Variants in UEVLD observed in about 807,000 individuals in gnomAD.
UEVLD encodes UEV and lactate/malate dehyrogenase domains.
Under a neutral mutation model 58.6 loss-of-function variants are expected in UEVLD, and 47 were observed. The observed-to-expected ratio is 0.80, with a 90% confidence interval of 0.63 to 1.02. UEVLD has a LOEUF of 1.02. Ranked by LOEUF, UEVLD falls within the 50% of genes least tolerant of loss-of-function variation. UEVLD has a pLI of 0.00. For missense variants in UEVLD, 510 were observed against 550.6 expected (o/e 0.93, Z 0.74); for synonymous variants, 197 against 195.3 (o/e 1.01, Z -0.07).
chr11:18,553,563 A>G (rs185399339), intron 7 of UEVLD, among the ~76,000 whole-genome samples: 2 of 152,324 alleles, frequency 1.3e-5, no homozygotes, highest in Admixed American at 1.3e-4. Context: ...AAACTGGTAC[A>G]TGAATGTTCA....
In UEVLD at chr11:18,570,236, G is replaced by C. The variant is rs532766452; in HGVS notation, c.335C>G (p.Pro112Arg). ...HVDAQGRIYL[P>R]YLQNWSHPKS... is the part of the protein sequence containing the mutation. The stretch of plus-strand genomic sequence containing the variant: ...TACATGGCTCCAGTTTTGGAGATAG[G>C]GCAAATATATTCTGCCTTGAGCATC... Residue 112 changes from proline (P) to arginine (R), a missense_variant, in exon 4 of 12, where the codon CCC becomes CGC. Physicochemically the swap from Pro to Arg is moderately radical, Grantham distance 103. Transcript: ENST00000396197. 1.7e-5 allele frequency: 28 copies of C among 1,604,264 alleles called. No homozygotes were observed. In the South Asian group the frequency reaches 2.8e-4, roughly 16 times the overall value.
intron 3 of UEVLD, among the ~76,000 whole-genome samples, chr11:18,572,457 A>G (rs569905045): frequency 1.1e-4 from 16 of 152,304 alleles, no homozygotes; most frequent in Non-Finnish European, 1.0e-4. Flanking sequence ...TTTTTTTAGC[A>G]TAAGCATGTA....
intron 11 of UEVLD, among the ~76,000 whole-genome samples, chr11:18,532,822 G>T (rs1317537014): frequency 6.6e-6 from 1 of 152,124 alleles, no homozygotes; most frequent in Non-Finnish European, 1.5e-5. Context: ...ATTTCCTGGG[G>T]AGGGGCATGG....
intron 1 of UEVLD, chr11:18,587,814 C>A (rs1440053886): frequency 2.0e-5 from 3 of 151,328 alleles, no homozygotes; most frequent in Admixed American, 6.6e-5. Context: ...AAAAAAAACA[C>A]AAAAAACAAA....
In UEVLD at chr11:18,568,171, T is replaced by C. The variant is rs538661530; in HGVS notation, c.358-1689A>G. 2.6e-5 allele frequency among the ~76,000 whole-genome samples: 4 copies of C among 152,296 alleles called. No homozygotes were observed. In the South Asian group the frequency reaches 8.3e-4, roughly 32 times the overall value. ...AAAAAAAGAGACTAGTTTTAGCTTATAATAAAGAGGCTCAGAACAGTAAAA... is the reference window on the plus strand; with the variant it reads ...AAAAAAAGAGACTAGTTTTAGCTTACAATAAAGAGGCTCAGAACAGTAAAA... On this transcript the variant is annotated intron_variant, in intron 4 of 11. Transcript: ENST00000396197.
chr11:18,557,681 A>G (rs1157064369), intron 7 of UEVLD, among the ~76,000 whole-genome samples: 2 of 151,630 alleles, frequency 1.3e-5, no homozygotes, highest in Non-Finnish European at 2.9e-5. Context: ...CTTCTGCCTC[A>G]GCCTCCCACG....
At chr11:18,542,875 A>ATTTTC (rs1215001322) in intron 9 of UEVLD, among the ~76,000 whole-genome samples, 1 of 110,104 alleles carries the variant, frequency 9.1e-6, no homozygotes, top group African/African-American at 3.3e-5. Flanking sequence ...CAGAGGAGTT[A>ATTTTC]TTTTCTTTTC....
chr11:18,578,504 A>G (rs1853054758), intron 2 of UEVLD, among the ~76,000 whole-genome samples: 1 of 152,212 alleles, frequency 6.6e-6, no homozygotes, highest in Non-Finnish European at 1.5e-5. Flanking sequence ...GTGTTTTTTA[A>G]AGCCACTAAG....
At position 18,572,051 on chromosome 11, in the gene UEVLD, A is replaced by G. The variant is rs568757127; in HGVS notation, c.194-1674T>C. Among the ~76,000 whole-genome samples the G allele has an allele frequency of 1.7e-4, 26 of 152,172 alleles. No individual in the cohort carries two copies. The South Asian group carries it at 4.0e-3, about 23-fold the overall frequency. On this transcript the variant is annotated intron_variant, in intron 3 of 11. Coordinates refer to ENST00000396197, the MANE Select transcript of UEVLD (RefSeq NM_001040697.4). ...GGAGATCAAGACCATCCTGGCTAAC[A>G]CGGTGAAACCCCATCTCTACTAAAA...
chr11:18,579,882 T>TA (rs1449151446), intron 1 of UEVLD, among the ~76,000 whole-genome samples: 1 of 152,116 alleles, frequency 6.6e-6, no homozygotes, highest in Non-Finnish European at 1.5e-5. Context: ...GTACAATACT[T>TA]AGACTCTGAA....
At chr11:18,582,256 C>CA (rs1853276874) in intron 1 of UEVLD, among the ~76,000 whole-genome samples, 1 of 152,130 alleles carries the variant, frequency 6.6e-6, no homozygotes, top group Non-Finnish European at 1.5e-5. Context: ...TCAAAGGCAG[C>CA]AAAAGCACTC....
chr11:18,560,138 C>CACACACACACACACACAGAGAG (rs368897951), intron 6 of UEVLD, among the ~76,000 whole-genome samples: 2 of 74,840 alleles, frequency 2.7e-5, no homozygotes, highest in African/African-American at 5.5e-5. Flanking sequence ...CACACACACA[C>CACACACACACACACACAGAGAG]AGAGAGAGAA....
chr11:18,548,320 T>C (rs750808471), intron 7 of UEVLD, among the ~76,000 whole-genome samples: 1 of 152,190 alleles, frequency 6.6e-6, no homozygotes, highest in Non-Finnish European at 1.5e-5. Context: ...CATAATAAAG[T>C]AATTAGAATG....
intron 1 of UEVLD, among the ~76,000 whole-genome samples, chr11:18,586,014 T>C (rs1324986567): frequency 6.6e-6 from 1 of 152,200 alleles, no homozygotes; most frequent in Non-Finnish European, 1.5e-5. Context: ...TAGAATCAGT[T>C]TGAAGTTTCC....
In UEVLD at chr11:18,530,213, T is replaced by TA. The variant is rs566977838; in HGVS notation, c.*2106dup. 87 of 152,314 alleles carry TA rather than the reference T, an allele frequency of 5.7e-4. No individual in the cohort carries two copies. The highest frequency in any genetic ancestry group is 7.9e-4 in the Non-Finnish European group (54 of 68,022). 9.4% of individuals were successfully genotyped at this position (152,314 alleles called of 1,614,324 possible). A position where few individuals can be genotyped will look rare whatever the true frequency, so the allele number is the denominator to read the frequency against. On this transcript the variant is annotated 3_prime_UTR_variant, in exon 12 of 12. Transcript: ENST00000396197. ...CTTTCAGTTTTACTTTCCTATTTCATAAAAAAGGACAGTAAGAATACATTG... is the reference window on the plus strand; with the variant it reads ...CTTTCAGTTTTACTTTCCTATTTCATAAAAAAAGGACAGTAAGAATACATTG...
At chr11:18,573,344 T>C (rs1169769559) in intron 3 of UEVLD, among the ~76,000 whole-genome samples, 2 of 152,238 alleles carry the variant, frequency 1.3e-5, no homozygotes, top group African/African-American at 2.4e-5. Context: ...TCTCTCAGAA[T>C]GAATCACCTT....
Position 18,536,541 on chromosome 11 carries a change from T to C in UEVLD, c.1061-72A>G, listed in dbSNP as rs574065802. On this transcript the variant is annotated intron_variant, in intron 9 of 11. Coordinates refer to ENST00000396197, the MANE Select transcript of UEVLD (RefSeq NM_001040697.4). ...GATTAAGATGTGATAACAGATCTTT[T>C]GGAGTCAAGGGTACCTGTGCTAATA... The C allele has an allele frequency of 2.8e-4, 360 of 1,297,636 alleles. 5 individuals carry two copies. In the South Asian group the frequency reaches 4.0e-3, roughly 14 times the overall value. 80.4% of individuals were successfully genotyped at this position (1,297,636 alleles called of 1,614,324 possible). A position where few individuals can be genotyped will look rare whatever the true frequency, so the allele number is the denominator to read the frequency against.
At chr11:18,580,649 G>GAA (rs1305104423) in intron 1 of UEVLD, among the ~76,000 whole-genome samples, 3 of 89,712 alleles carry the variant, frequency 3.3e-5, no homozygotes, top group Non-Finnish European at 7.1e-5. Context: ...GTGCTTCCCA[G>GAA]AAAAAAAAAA....
intron 7 of UEVLD, among the ~76,000 whole-genome samples, chr11:18,557,211 G>A (rs1851790460): frequency 4.0e-5 from 6 of 151,866 alleles, no homozygotes; most frequent in Admixed American, 3.9e-4. Context: ...GGAGTGCAGT[G>A]GCGCATCTCG....
Sources: allele counts gnomAD v4.1 joint callset (sites outside exome capture counted in the v4.1 genomes callset), GRCh38; gene constraint gnomAD v4.1.1; transcripts MANE v1.5; gene names NCBI Gene and HGNC (gene_info 2026-07-23, HGNC 2026-07-21).